GNG7: variants seen among roughly 807,000 people sequenced by gnomAD.
The protein encoded by GNG7 is G protein subunit gamma 7.
Under a neutral mutation model 4.0 loss-of-function variants are expected in GNG7, and 1 was observed. The observed-to-expected ratio is 0.25, with a 90% CI of 0.09 to 1.18. The LOEUF (loss-of-function observed/expected upper bound fraction) is 1.18. Ranked by LOEUF, GNG7 falls within the 50% of genes most tolerant of loss-of-function variation. GNG7 has a pLI of 0.50. For synonymous variants in GNG7, 34 were observed against 36.9 expected, an observed-to-expected ratio of 0.92 and a Z score of 0.29; for missense variants, 86 against 91.9, an observed-to-expected ratio of 0.94 and a Z score of 0.26.
At chr19:2,590,952 T>C (rs1980835516) in intron 2 of GNG7, among the ~76,000 whole-genome samples, 1 of 152,186 alleles carries the variant, frequency 6.6e-6, no homozygotes. Flanking sequence ...CATCCATCCA[T>C]CCACATACAT....
chr19:2,595,482 C>T (rs1357184818), intron 2 of GNG7, among the ~76,000 whole-genome samples: 2 of 151,926 alleles, frequency 1.3e-5, no homozygotes, highest in Non-Finnish European at 2.9e-5. Context: ...GCCTGTAATC[C>T]CAGCACTTTG....
intron 3 of GNG7, among the ~76,000 whole-genome samples, chr19:2,526,041 G>A (rs1978385822): frequency 6.7e-6 from 1 of 148,190 alleles, no homozygotes; most frequent in African/African-American, 2.5e-5. Flanking sequence ...CGCGATCTTG[G>A]CTCACTGCAA....
At chr19:2,648,767 T>C (rs1454500827) in intron 1 of GNG7, among the ~76,000 whole-genome samples, 1 of 151,840 alleles carries the variant, frequency 6.6e-6, no homozygotes, top group Non-Finnish European at 1.5e-5. Context: ...GGATGAGTGA[T>C]GAAAGGGCTG....
chr19:2,531,303 C>CAAAAAA (rs58133235), intron 3 of GNG7, among the ~76,000 whole-genome samples: 15 of 95,058 alleles, frequency 1.6e-4, no homozygotes, highest in Admixed American at 6.0e-4. Context: ...GATTCCGTCT[C>CAAAAAA]AAAAAAAAAA....
rs1266872801 is a variant in GNG7, at chr19:2,618,160, G to T, written c.-78+28064C>A. Among the ~76,000 whole-genome samples, 1 of 152,134 alleles carries T rather than the reference G, an allele frequency of 6.6e-6. No homozygotes were observed. The highest frequency in any genetic ancestry group is 1.5e-5 in the Non-Finnish European group (1 of 68,040). ...AGGCTGTCCCTGGCACACAGTGAGT[G>T]TCGGGTCAATATTTGCGACTGACCG... On this transcript the variant is annotated intron_variant, in intron 2 of 4. Coordinates refer to ENST00000382159, the MANE Select transcript of GNG7 (RefSeq NM_052847.3). This position sits in a 1 kb window ranked among gnomAD's most constrained non-coding sequence, Gnocchi z 5.1.
chr19:2,672,416 A>G (rs1029112322), intron 1 of GNG7, among the ~76,000 whole-genome samples: 3 of 151,430 alleles, frequency 2.0e-5, no homozygotes, highest in African/African-American at 7.3e-5. Context: ...TCAGCCTCCC[A>G]AAGTGTTGGA....
At chr19:2,642,962 C>T (rs1285597168) in intron 2 of GNG7, 2 of 436,578 alleles carry the variant, frequency 4.6e-6, no homozygotes, top group South Asian at 1.6e-5. Context: ...CTGGCCCTGC[C>T]GTCGGCACCC....
intron 2 of GNG7, among the ~76,000 whole-genome samples, chr19:2,623,695 A>T (rs1403008881): frequency 1.3e-5 from 2 of 152,196 alleles, no homozygotes; most frequent in Non-Finnish European, 2.9e-5. Flanking sequence ...AGCCTGGGCA[A>T]TGTGGTGAAA....
chr19:2,566,177 A>T (rs1205240274), intron 2 of GNG7, among the ~76,000 whole-genome samples: 1 of 152,004 alleles, frequency 6.6e-6, no homozygotes. Flanking sequence ...TAAATAAATA[A>T]ATATAAAAAA....
At chr19:2,701,019 C>T (rs1355819454) in intron 1 of GNG7, 1 of 152,134 alleles carries the variant, frequency 6.6e-6, no homozygotes, top group Admixed American at 6.5e-5. Flanking sequence ...GTGCCACCCA[C>T]GTCGCTCAAT....
chr19:2,621,984 C>T (rs1422889034), intron 2 of GNG7, among the ~76,000 whole-genome samples: 1 of 152,128 alleles, frequency 6.6e-6, no homozygotes, highest in East Asian at 1.9e-4. Context: ...ACAAGAGGCT[C>T]GTCTGCCCCT....
chr19:2,554,598 A>T (rs1979491927), intron 3 of GNG7, among the ~76,000 whole-genome samples: 1 of 148,902 alleles, frequency 6.7e-6, no homozygotes, highest in Non-Finnish European at 1.5e-5. Flanking sequence ...TCTGTTGCCC[A>T]GGCTGGTGTA....
chr19:2,694,465 C>T (rs1055902804), intron 1 of GNG7, among the ~76,000 whole-genome samples: 2 of 150,726 alleles, frequency 1.3e-5, no homozygotes, highest in Non-Finnish European at 3.0e-5. Context: ...CCCTGCAGTG[C>T]CCAGGACGGC....
chr19:2,673,263 AAAAACAAAAC>A (rs1269636984), intron 1 of GNG7, among the ~76,000 whole-genome samples: 20 of 145,812 alleles, frequency 1.4e-4, no homozygotes, highest in South Asian at 6.6e-4. Context: ...ATCTCAAAAA[AAAAACAAAAC>A]AAAACAAAAC....
chr19:2,608,682 CAG>C (rs1981469625), intron 2 of GNG7, among the ~76,000 whole-genome samples: 2 of 152,186 alleles, frequency 1.3e-5, no homozygotes, highest in Admixed American at 1.3e-4. Flanking sequence ...ATGCAGATGG[CAG>C]AGTCTCAAAG....
rs138571594 is a variant in GNG7 at position 2,657,028 on chromosome 19, G to A, written c.-134-10748C>T. Among the ~76,000 whole-genome samples the A allele has an allele frequency of 3.8e-3, 584 of 152,024 alleles. 4 individuals are homozygous for A. The highest frequency in any genetic ancestry group is 0.013 in the African/African-American group (552 of 41,472). On this transcript the variant is annotated intron_variant, in intron 1 of 4. Coordinates refer to ENST00000382159, the MANE Select transcript of GNG7 (RefSeq NM_052847.3). ...AGCGTCAGATCAATTTTCAATGATT[G>A]TCTTCAAAATTAAAACTGGCTCATT...
At chr19:2,549,370 CA>C (rs1291694460) in intron 3 of GNG7, among the ~76,000 whole-genome samples, 2 of 151,310 alleles carry the variant, frequency 1.3e-5, no homozygotes, top group East Asian at 3.9e-4. Context: ...CGGCTCACTG[CA>C]AACTCCACCC....
In GNG7 at chr19:2,650,169, C is replaced by A. The variant is rs1326710547; in HGVS notation, c.-134-3889G>T. Among the ~76,000 whole-genome samples the A allele has an allele frequency of 2.7e-5, 4 of 147,018 alleles. No individual in the cohort carries two copies. The Admixed American group carries it at 2.8e-4, about 10-fold the overall frequency. ...TTGTGAATCTGCTGCTGTGAATATTCGTGTCATAGGAATCTTTTTTTTTTT... is the reference window on the plus strand; with the variant it reads ...TTGTGAATCTGCTGCTGTGAATATTAGTGTCATAGGAATCTTTTTTTTTTT... On this transcript the variant is annotated intron_variant, in intron 1 of 4. Coordinates refer to ENST00000382159, the MANE Select transcript of GNG7 (RefSeq NM_052847.3).
At chr19:2,537,385 A>G (rs1002176177) in intron 3 of GNG7, among the ~76,000 whole-genome samples, 1 of 151,848 alleles carries the variant, frequency 6.6e-6, no homozygotes, top group Non-Finnish European at 1.5e-5. Context: ...AGCTGGGACT[A>G]CAGGTGCATG....
Sources: allele counts gnomAD v4.1 joint callset (sites outside exome capture counted in the v4.1 genomes callset), GRCh38; gene constraint gnomAD v4.1.1; non-coding constraint Gnocchi (gnomAD v3.1); transcripts MANE v1.5; gene names NCBI Gene and HGNC (gene_info 2026-07-23, HGNC 2026-07-21).